The following RFPL3 variants were observed in gnomAD, a reference collection of about 807,000 sequenced individuals.
The protein encoded by RFPL3 is ret finger protein-like 3.
Under a neutral mutation model 8.7 loss-of-function variants are expected in RFPL3, and 8 were observed. The observed-to-expected ratio is 0.92, with a 90% confidence interval of 0.54 to 1.66. The LOEUF is 1.66. Among genes scored for constraint, RFPL3 ranks in the 40% most tolerant of loss-of-function variants. RFPL3 has a pLI of 0.00. For synonymous variants in RFPL3, 145 were observed against 150.5 expected (o/e 0.96, Z 0.27); for missense variants, 341 against 395.0 (o/e 0.86, Z 1.16).
intron 1 of RFPL3, 87 bp from the exon 2 acceptor site, chr22:32,360,165 C>T: frequency 1.4e-6 from 2 of 1,470,432 alleles, no homozygotes; most frequent in East Asian, 2.3e-5. Context: ...AAACTAAAGT[C>T]AGGAGATATT....
chr22:32,357,427 C>G (rs967973384), upstream of RFPL3, among the ~76,000 whole-genome samples: 5 of 151,470 alleles, frequency 3.3e-5, no homozygotes, highest in African/African-American at 4.9e-5. Context: ...GCCTTGGCCT[C>G]GCAAAGTGCT....
rs557429680 is a variant in RFPL3 at position 32,360,737 on chromosome 22, A to G, written c.859A>G (p.Ile287Val). Residue 287 changes from isoleucine (I) to valine (V), a missense_variant, in exon 2 of 2, where the codon ATT (isoleucine) becomes GTT (valine). By Grantham distance (29) the Ile-to-Val change is conservative. Transcript: ENST00000249007. ...ACTGCGCCCATTTTTGGCTCCTTCA[A>G]TTCCACCTAATGGTGATCAAGGTGT... ...EPLRPFLAPS[I>V]PPNGDQGVLS... 160 of 1,613,988 alleles carry G rather than the reference A, an allele frequency of 9.9e-5. No individual in the cohort carries two copies. Among genetic ancestry groups the G allele is most frequent in the Middle Eastern group, 1.7e-4 (1 of 6,058 alleles).
In RFPL3 at chr22:32,357,932, C is replaced by T. The variant is rs1320497926; in HGVS notation, c.-140C>T. 26 of 1,521,376 alleles carry T rather than the reference C, an allele frequency of 1.7e-5. No homozygotes were observed. The East Asian group carries it at 4.4e-4, about 26-fold the overall frequency. 94.2% of individuals were successfully genotyped at this position (1,521,376 alleles called of 1,614,324 possible). The stretch of plus-strand genomic sequence containing the variant: ...AGAATGGACCCTTCCTCCACCTCAG[C>T]TCAGAGCACAGTGATGATTCGTGAC... On this transcript the variant is annotated 5_prime_UTR_variant, in exon 1 of 2. Coordinates refer to ENST00000249007, the MANE Select transcript of RFPL3 (RefSeq NM_001098535.1).
In RFPL3 at chr22:32,360,434, G is replaced by A. The variant is rs757286389; in HGVS notation, c.556G>A (p.Val186Met). Residue 186 changes from valine (V) to methionine (M), a missense_variant, in exon 2 of 2, where the codon GTG (valine) becomes ATG (methionine). By Grantham distance (21) the Val-to-Met change is conservative (BLOSUM62 1). Transcript: ENST00000249007. ...TCGRHYWEVDVGTSTEWDLGV... is the reference protein window; with the variant it reads ...TCGRHYWEVDMGTSTEWDLGV... ...TGGCCGCCACTACTGGGAGGTGGACGTGGGAACAAGCACAGAATGGGACCT... is the reference window on the plus strand; with the variant it reads ...TGGCCGCCACTACTGGGAGGTGGACATGGGAACAAGCACAGAATGGGACCT... 17 of 1,613,928 alleles carry A rather than the reference G, an allele frequency of 1.1e-5. No individual in the cohort carries two copies. Among genetic ancestry groups the A allele is most frequent in the East Asian group, 4.5e-5 (2 of 44,868 alleles).
chr22:32,359,956 G>A (rs560837699), intron 1 of RFPL3: 1 of 425,830 alleles, frequency 2.3e-6, no homozygotes, highest in East Asian at 4.0e-5. Flanking sequence ...TAGAAAGGGG[G>A]GCATGGTGTC....
At chr22:32,355,331 A>C (rs537547501), upstream of RFPL3, among the ~76,000 whole-genome samples, 142 of 152,290 alleles carry the variant, frequency 9.3e-4, no homozygotes, top group African/African-American at 3.3e-3. Context: ...GGTAAGGGGA[A>C]GTCTCAGTTC....
rs745378924 is a variant in RFPL3, at chr22:32,360,457, C to T, written c.579C>T (p.Asp193=). The change falls in exon 2 of 2, where the codon GAC becomes GAT. Residue 193 remains aspartate (D), a synonymous_variant. Coordinates refer to ENST00000249007, the MANE Select transcript of RFPL3 (RefSeq NM_001098535.1). ...EVDVGTSTEW[D]LGVCRESVHC... ...ACGTGGGAACAAGCACAGAATGGGA[C>T]CTGGGAGTCTGCAGAGAATCTGTTC... 1.4e-5 allele frequency: 22 copies of T among 1,613,712 alleles called. No homozygotes were observed. The highest frequency in any genetic ancestry group is 1.3e-5 in the African/African-American group (1 of 74,848).
At chr22:32,355,778 T>A (rs1446443322), upstream of RFPL3, among the ~76,000 whole-genome samples, 2 of 83,200 alleles carry the variant, frequency 2.4e-5, no homozygotes, top group Non-Finnish European at 4.6e-5. Context: ...CGAGACTTTG[T>A]CTCAAAAAAA....
chr22:32,358,395 C>G lies in RFPL3; in HGVS notation c.324C>G (p.Pro108=), dbSNP rs117491646. The G allele has an allele frequency of 0.03, 48,945 of 1,613,972 alleles. 910 individuals carry two copies. The highest frequency in any genetic ancestry group is 0.058 in the Middle Eastern group (350 of 6,062). ...RLVSHIKELE[P]KLKKILQMNP... is the part of the protein sequence containing the mutation. ...TTTCCCACATCAAGGAACTGGAGCCCAAGCTGAAGAAGATTCTACAGATGA... is the reference window on the plus strand; with the variant it reads ...TTTCCCACATCAAGGAACTGGAGCCGAAGCTGAAGAAGATTCTACAGATGA... The change falls in exon 1 of 2, where the codon CCC becomes CCG. Residue 108 remains proline, a synonymous_variant. Transcript: ENST00000249007.
chr22:32,360,271 C>G lies in RFPL3; in HGVS notation c.393C>G (p.Ala131=). Residue 131 remains alanine (A), a synonymous_variant, in exon 2 of 2, where the codon GCC becomes GCG. Transcript: ENST00000249007. Reference sequence around the variant, plus strand: ...TCACAGTGGATATGACCTTGGATGCCGACACAGCCAACAACTTCCTCCTCA... The same window carrying G: ...TCACAGTGGATATGACCTTGGATGCGGACACAGCCAACAACTTCCTCCTCA... The part of the protein sequence containing the change: ...RKFQVDMTLD[A]DTANNFLLIS... 6.2e-7 allele frequency: 1 copy of G among 1,613,322 alleles called. No individual in the cohort carries two copies. Among genetic ancestry groups the G allele is most frequent in the East Asian group, 2.2e-5 (1 of 44,872 alleles).
chr22:32,359,967 T>A (rs1932761384), intron 1 of RFPL3: 1 of 450,660 alleles, frequency 2.2e-6, no homozygotes, highest in Non-Finnish European at 3.9e-6. Flanking sequence ...GCATGGTGTC[T>A]GCCTTCAGAG....
chr22:32,360,861 G>T lies in RFPL3; in HGVS notation c.*29G>T, dbSNP rs1315013170. 1 of 1,506,354 alleles carries T rather than the reference G, an allele frequency of 6.6e-7. No individual in the cohort carries two copies. Among genetic ancestry groups the T allele is most frequent in the Non-Finnish European group, 8.9e-7 (1 of 1,128,850 alleles). The allele number at this position is 1,506,354 out of a possible 1,614,324, so 93.3% of individuals were successfully genotyped here. ...GCCACTGCAAAAAAAAACAGGGTCA[G>T]AAAATTACTTGGGTGGGTAGACTTA... is the stretch of plus-strand genomic sequence containing the variant. On this transcript the variant is annotated 3_prime_UTR_variant, in exon 2 of 2. Coordinates refer to ENST00000249007, the MANE Select transcript of RFPL3 (RefSeq NM_001098535.1).
upstream of RFPL3, chr22:32,356,985 G>A (rs1932687307): frequency 1.2e-5 from 6 of 499,812 alleles, no homozygotes; most frequent in Admixed American, 1.1e-4. Context: ...GCCTTGGGCT[G>A]GCCTGTGGGT....
chr22:32,355,232 G>A (rs1356023986), upstream of RFPL3, among the ~76,000 whole-genome samples: 1 of 148,402 alleles, frequency 6.7e-6, no homozygotes, highest in Admixed American at 6.6e-5. Flanking sequence ...ATCAGAACAT[G>A]CAAATAAAGC....
chr22:32,357,472 C>CTTT (rs3070381), upstream of RFPL3, among the ~76,000 whole-genome samples: 1 of 145,126 alleles, frequency 6.9e-6, no homozygotes, highest in South Asian at 2.2e-4. Flanking sequence ...ATCCAGCCCC[C>CTTT]TTTTTTTTTT....
At chr22:32,359,390 T>G (rs1435889233) in intron 1 of RFPL3, among the ~76,000 whole-genome samples, 1 of 152,086 alleles carries the variant, frequency 6.6e-6, no homozygotes, top group East Asian at 1.9e-4. Context: ...ATATCAGTTT[T>G]TTGACTTGAA....
chr22:32,357,753 C>A, upstream of RFPL3: 1 of 777,894 alleles, frequency 1.3e-6, no homozygotes, highest in Non-Finnish European at 1.7e-6. Context: ...AGGCATGAGC[C>A]ATCGTGCCCA....
rs12167373 is a variant in RFPL3, at chr22:32,357,871, C to T, written c.-201C>T. The T allele has an allele frequency of 5.4e-3, 7,808 of 1,437,338 alleles. 188 individuals are homozygous for T. The African/African-American group carries it at 0.068, about 13-fold the overall frequency. The allele number at this position is 1,437,338 out of a possible 1,614,324, so 89.0% of individuals were successfully genotyped here. A position where few individuals can be genotyped will look rare whatever the true frequency, so the allele number is the denominator to read the frequency against. ...GCTGTTCCTCACATGGGTGCTGCCACGTCACTGGCTCAGGCTCAGCTGCTG... is the reference window on the plus strand; with the variant it reads ...GCTGTTCCTCACATGGGTGCTGCCATGTCACTGGCTCAGGCTCAGCTGCTG... On this transcript the variant is annotated 5_prime_UTR_variant, in exon 1 of 2. It adds an upstream start codon to the 5' untranslated region. Coordinates refer to ENST00000249007, the MANE Select transcript of RFPL3 (RefSeq NM_001098535.1).
In RFPL3 at chr22:32,358,140, T is replaced by C. The variant is rs767459979; in HGVS notation, c.69T>C (p.Thr23=). The C allele has an allele frequency of 6.2e-7, 1 of 1,613,966 alleles. No individual in the cohort carries two copies. Among genetic ancestry groups the C allele is most frequent in the Non-Finnish European group, 8.5e-7 (1 of 1,179,866 alleles). ...AAGGAAATTTTCTTCCCTTGTGTAC[T>C]TTTCCCCTGGCAGTGGACATGGCTG... ...SPQGNFLPLC[T]FPLAVDMAAL... The change falls in exon 1 of 2, where the codon ACT becomes ACC. Residue 23 remains threonine, a synonymous_variant. Transcript: ENST00000249007.
Sources: allele counts gnomAD v4.1 joint callset (sites outside exome capture counted in the v4.1 genomes callset), GRCh38; gene constraint gnomAD v4.1.1; transcripts MANE v1.5; gene names NCBI Gene and HGNC (gene_info 2026-07-23, HGNC 2026-07-21).